The following KCNJ16 variants were observed in gnomAD, a reference collection of about 807,000 sequenced individuals.
KCNJ16 encodes potassium inwardly rectifying channel subfamily J member 16.
In KCNJ16, 15 loss-of-function variants were observed where a neutral mutation model predicts 18.5. The ratio of observed to expected loss-of-function variants is 0.81; its 90% CI spans 0.54 to 1.25. KCNJ16 has a LOEUF of 1.25. KCNJ16 is among the 50% of genes most tolerant of loss of function. KCNJ16 has a pLI of 0.00. For synonymous variants in KCNJ16, 174 were observed against 186.5 expected, an observed-to-expected ratio of 0.93 and a Z score of 0.55; for missense variants, 523 against 525.7, an observed-to-expected ratio of 0.99 and a Z score of 0.05.
chr17:70,084,915 T>C lies in KCNJ16; in HGVS notation c.-300+9525T>C, dbSNP rs1042658454. On this transcript the variant is annotated intron_variant, in intron 1 of 3. Transcript: ENST00000392671. Reference sequence around the variant, plus strand: ...ACTTGTTTATCGGCACCATCTTCTATAGATTTTTGTTCTATTTCTTTCTTA... The same window carrying C: ...ACTTGTTTATCGGCACCATCTTCTACAGATTTTTGTTCTATTTCTTTCTTA... 2.6e-5 allele frequency among the ~76,000 whole-genome samples: 4 copies of C among 152,206 alleles called. No individual in the cohort carries two copies. In the South Asian group the frequency reaches 8.3e-4, roughly 32 times the overall value.
chr17:70,128,969 C>A (rs908845832), intron 2 of KCNJ16: 1 of 152,270 alleles, frequency 6.6e-6, no homozygotes, highest in African/African-American at 2.4e-5. Context: ...CGCGGACGGC[C>A]TCTCTTTCCG....
At chr17:70,092,721 T>G (rs1598105447) in intron 1 of KCNJ16, among the ~76,000 whole-genome samples, 1 of 152,148 alleles carries the variant, frequency 6.6e-6, no homozygotes. Flanking sequence ...TCAGTCTGAT[T>G]AAGAAGGTCT....
Position 70,130,882 on chromosome 17 carries a change from T to A in KCNJ16, c.-187T>A, listed in dbSNP as rs996755312. 4.9e-6 allele frequency: 6 copies of A among 1,235,988 alleles called. No individual in the cohort carries two copies. Among genetic ancestry groups the A allele is most frequent in the Non-Finnish European group, 6.9e-6 (6 of 873,396 alleles). The allele number at this position is 1,235,988 out of a possible 1,614,324, so 76.6% of individuals were successfully genotyped here. On this transcript the variant is annotated 5_prime_UTR_variant, in exon 3 of 4. Coordinates refer to ENST00000392671, the MANE Select transcript of KCNJ16 (RefSeq NM_170741.4). ...TATTTTTGTTTGTTTTGCACAGGAG[T>A]AACTCAAGATGATTTTGATGTTGCA...
At position 70,133,454 on chromosome 17, in the gene KCNJ16, T is replaced by C; in HGVS notation, c.*110T>C. ...GTGTTATGGCTATGTTTTATGATGA[T>C]GCTGGGTAAGTAGAGTAAGTTAAAC... On this transcript the variant is annotated 3_prime_UTR_variant, in exon 4 of 4. Transcript: ENST00000392671. 1.2e-6 allele frequency: 1 copy of C among 831,364 alleles called. No homozygotes were observed. The highest frequency in any genetic ancestry group is 1.9e-6 in the Non-Finnish European group (1 of 527,882). 51.5% of individuals were successfully genotyped at this position (831,364 alleles called of 1,614,324 possible). A position where few individuals can be genotyped will look rare whatever the true frequency, so the allele number is the denominator to read the frequency against.
chr17:70,116,498 T>C (rs1208011635), intron 2 of KCNJ16, among the ~76,000 whole-genome samples: 1 of 152,222 alleles, frequency 6.6e-6, no homozygotes, highest in Admixed American at 6.5e-5. Flanking sequence ...TTGTCACACA[T>C]AGCTAGCTTA....
chr17:70,107,756 T>C (rs2143951401), intron 2 of KCNJ16, among the ~76,000 whole-genome samples: 1 of 152,310 alleles, frequency 6.6e-6, no homozygotes, highest in South Asian at 2.1e-4. Flanking sequence ...ACTGTTTATT[T>C]CCAATCTTCT....
chr17:70,114,270 AGTTCAGTG>A (rs2073311266), intron 2 of KCNJ16, among the ~76,000 whole-genome samples: 1 of 152,136 alleles, frequency 6.6e-6, no homozygotes, highest in Non-Finnish European at 1.5e-5. Context: ...CACATCTGTG[AGTTCAGTG>A]ATTCCCAGCA....
In KCNJ16 at chr17:70,132,707, G is replaced by A. The variant is rs200982258; in HGVS notation, c.620G>A (p.Arg207Gln). ...CTCATGTGGCGCATTGGTGATTTTC[G>A]GCCAAACCACGTGGTAGAAGGAACA... is the stretch of plus-strand genomic sequence containing the variant. ...LCLMWRIGDF[R>Q]PNHVVEGTVR... Residue 207 changes from arginine to glutamine, a missense_variant, in exon 4 of 4, where the codon CGG becomes CAG. Coordinates refer to ENST00000392671, the MANE Select transcript of KCNJ16 (RefSeq NM_170741.4). 1.1e-5 allele frequency: 17 copies of A among 1,613,988 alleles called. No homozygotes were observed. Among genetic ancestry groups the A allele is most frequent in the African/African-American group, 4.0e-5 (3 of 74,906 alleles).
chr17:70,092,757 A>C (rs1402966743), intron 1 of KCNJ16, among the ~76,000 whole-genome samples: 1 of 152,150 alleles, frequency 6.6e-6, no homozygotes, highest in East Asian at 1.9e-4. Flanking sequence ...CAATGGTATA[A>C]ATTTTATTTA....
chr17:70,112,660 G>T (rs1433769175), intron 2 of KCNJ16, among the ~76,000 whole-genome samples: 1 of 152,072 alleles, frequency 6.6e-6, no homozygotes, highest in East Asian at 1.9e-4. Context: ...AAAGCAAAAG[G>T]TAATTTTATT....
At chr17:70,105,689 A>ACC (rs1364408502) in intron 2 of KCNJ16, among the ~76,000 whole-genome samples, 2 of 152,174 alleles carry the variant, frequency 1.3e-5, no homozygotes, top group Non-Finnish European at 2.9e-5. Context: ...GTATAAAAGC[A>ACC]CGGGGCTTTC....
rs140649129 is a variant in KCNJ16, at chr17:70,132,761, A to T, written c.674A>T (p.Glu225Val). Residue 225 changes from glutamate to valine, a missense_variant, in exon 4 of 4, where the codon GAA becomes GTA. Glu to Val is a moderately radical substitution (Grantham distance 121). Transcript: ENST00000392671. ...TVRAQLLRYTEDSEGRMTMAF... is the reference protein window; with the variant it reads ...TVRAQLLRYTVDSEGRMTMAF... ...AGAGCCCAACTTCTCCGCTATACAG[A>T]AGACAGTGAAGGGAGGATGACGATG... is the stretch of plus-strand genomic sequence containing the variant. 168 of 1,614,042 alleles carry T rather than the reference A, an allele frequency of 1.0e-4. No homozygotes were observed. The African/African-American group carries it at 1.9e-3, about 18-fold the overall frequency.
Position 70,133,033 on chromosome 17 carries a change from G to A in KCNJ16, c.946G>A (p.Val316Ile), listed in dbSNP as rs1386554995. 1 of 1,614,152 alleles carries A rather than the reference G, an allele frequency of 6.2e-7. No individual in the cohort carries two copies. The highest frequency in any genetic ancestry group is 1.7e-5 in the Admixed American group (1 of 60,012). The change falls in exon 4 of 4, where the codon GTT becomes ATT. Residue 316 changes from valine to isoleucine, a missense_variant. Val to Ile is a conservative substitution (Grantham distance 29). Transcript: ENST00000392671. ...CCATAGGTTTAATGATGTCTTGGAAGTTAAGAGGAAGTATTACAAAGTGAA... is the reference window on the plus strand; with the variant it reads ...CCATAGGTTTAATGATGTCTTGGAAATTAAGAGGAAGTATTACAAAGTGAA... ...WGHRFNDVLE[V>I]KRKYYKVNCL...
chr17:70,092,248 T>C (rs1382387048), intron 1 of KCNJ16, among the ~76,000 whole-genome samples: 1 of 152,188 alleles, frequency 6.6e-6, no homozygotes, highest in Non-Finnish European at 1.5e-5. Flanking sequence ...AAACCATATA[T>C]GCAAGTTTAC....
chr17:70,083,642 C>T (rs909076779), intron 1 of KCNJ16, among the ~76,000 whole-genome samples: 1 of 151,908 alleles, frequency 6.6e-6, no homozygotes, highest in Non-Finnish European at 1.5e-5. Flanking sequence ...TCTAGGTTTG[C>T]GTATATACAC....
At chr17:70,103,296 G>GTGTGTGTGTGTATATATATATA (rs1408960241) in intron 2 of KCNJ16, among the ~76,000 whole-genome samples, 5 of 72,054 alleles carry the variant, frequency 6.9e-5, no homozygotes, top group African/African-American at 2.2e-4. Context: ...ATGTGTGTGT[G>GTGTGTGTGTGTATATATATATA]TATATATATA....
chr17:70,098,388 C>G (rs1030602255), intron 1 of KCNJ16, among the ~76,000 whole-genome samples: 1 of 152,232 alleles, frequency 6.6e-6, no homozygotes, highest in East Asian at 1.9e-4. Context: ...ACAGTTCTAA[C>G]TTGAATATTC....
At chr17:70,077,509 T>G (rs7216332) in intron 1 of KCNJ16, among the ~76,000 whole-genome samples, 130,126 of 152,202 alleles carry the variant, frequency 0.85, 55,741 homozygotes, top group East Asian at 0.99. Context: ...AACATGAAAC[T>G]TGTAAGGGAA....
intron 2 of KCNJ16, among the ~76,000 whole-genome samples, chr17:70,121,413 A>T (rs1023841315): frequency 6.6e-6 from 1 of 152,186 alleles, no homozygotes; most frequent in Admixed American, 6.5e-5. Context: ...TTTGGCCCTC[A>T]GGCTGCAGTT....
Sources: allele counts gnomAD v4.1 joint callset (sites outside exome capture counted in the v4.1 genomes callset), GRCh38; gene constraint gnomAD v4.1.1; transcripts MANE v1.5; gene names NCBI Gene and HGNC (gene_info 2026-07-23, HGNC 2026-07-21).